The following PER2 variants were observed in gnomAD, a reference collection of about 807,000 sequenced individuals.
The protein encoded by PER2 is period circadian regulator 2, also known as period circadian protein homolog 2.
A neutral mutation model predicts 121.0 loss-of-function variants in PER2; 66 were observed. The observed-to-expected ratio is 0.55, with a 90% CI of 0.45 to 0.67. PER2 has a LOEUF of 0.67. PER2 is among the 30% of genes least tolerant of loss of function. The pLI is 0.00. For synonymous variants in PER2, 684 were observed against 659.9 expected, an observed-to-expected ratio of 1.04 and a Z score of -0.56; for missense variants, 1,521 against 1,635.0, an observed-to-expected ratio of 0.93 and a Z score of 1.20.
At position 238,262,312 on chromosome 2, in the gene PER2, AAT is replaced by A. The variant is rs1695960512; in HGVS notation, c.1184_1185del (p.Tyr395PhefsTer46). The A allele has an allele frequency of 1.2e-6, 2 of 1,614,030 alleles. No individual in the cohort carries two copies. Among genetic ancestry groups the A allele is most frequent in the Non-Finnish European group, 1.7e-6 (2 of 1,179,982 alleles). On this transcript the variant is annotated frameshift_variant, in exon 11 of 23. Transcript: ENST00000254657. LOFTEE classifies it high-confidence loss of function. The part of the protein sequence containing the change: ...ILQSGGQPFD[Y>X]SPIRFRARNG... ...TTCCGGGCGCGAAACCGAATGGGAG[AAT>A]AGTCGAAAGGCTGCCCGCCTGACTG...
chr2:238,261,023 A>T, intron 12 of PER2, 70 bp from the exon 13 acceptor site: 1 of 1,567,560 alleles, frequency 6.4e-7, no homozygotes, highest in Non-Finnish European at 8.7e-7. Flanking sequence ...CCCCCTGCCA[A>T]CACACCCTGT....
At position 238,250,590 on chromosome 2, in the gene PER2, G is replaced by T; in HGVS notation, c.3428C>A (p.Ala1143Glu). Residue 1143 changes from alanine to glutamate, a missense_variant, in exon 21 of 23, where the codon GCG (alanine) becomes GAG (glutamate). Coordinates refer to ENST00000254657, the MANE Select transcript of PER2 (RefSeq NM_022817.3). Reference protein sequence around the residue: ...QDPIWLLMADADSSVMMTYQL... With the variant: ...QDPIWLLMADEDSSVMMTYQL... The stretch of plus-strand genomic sequence containing the variant: ...GTACGTCATCATGACGCTGCTGTCC[G>T]CATCTGCCATCAGCAGCCAGATGGG... 2 of 1,613,456 alleles carry T rather than the reference G, an allele frequency of 1.2e-6. No homozygotes were observed. The highest frequency in any genetic ancestry group is 1.7e-5 in the Admixed American group (1 of 59,968).
Position 238,273,057 on chromosome 2 carries a change from G to A in PER2, c.570+13C>T. On this transcript the variant is annotated intron_variant, in intron 5 of 22. Coordinates refer to ENST00000254657, the MANE Select transcript of PER2 (RefSeq NM_022817.3). ...TGCCATTTTAGAAAGAAACTTTGCG[G>A]AAAGAGGCTTACGGCATTCTTCACA... 1 of 1,613,996 alleles carries A rather than the reference G, an allele frequency of 6.2e-7. No individual in the cohort carries two copies. The highest frequency in any genetic ancestry group is 1.1e-5 in the South Asian group (1 of 91,080).
intron 1 of PER2, among the ~76,000 whole-genome samples, chr2:238,279,797 C>G (rs535159546): frequency 6.6e-6 from 1 of 152,136 alleles, no homozygotes; most frequent in South Asian, 2.1e-4. Flanking sequence ...CTAGAAGTCC[C>G]GAAGGGTCCC....
intron 18 of PER2, 89 bp downstream of exon 18, chr2:238,255,568 C>T: frequency 7.7e-7 from 1 of 1,292,668 alleles, no homozygotes; most frequent in South Asian, 1.2e-5. Flanking sequence ...TGAAACTGGA[C>T]ACATTTCACA....
chr2:238,268,219 C>T lies in PER2; in HGVS notation c.825-21G>A, dbSNP rs375672859. Reference sequence around the variant, plus strand: ...GGACACTGCGGAGAAGAGCCACGCTCTAAGTTGGGAACTGTGACACAGGAA... The same window carrying T: ...GGACACTGCGGAGAAGAGCCACGCTTTAAGTTGGGAACTGTGACACAGGAA... On this transcript the variant is annotated intron_variant, in intron 7 of 22. Transcript: ENST00000254657. The surrounding 1 kb of genome is among the most constrained non-coding windows in gnomAD (Gnocchi z 4.0). 1.1e-4 allele frequency: 179 copies of T among 1,612,970 alleles called. No homozygotes were observed. The African/African-American group carries it at 2.0e-3, about 18-fold the overall frequency.
rs558867561 is a variant in PER2, at chr2:238,255,362, A to G, written c.2320+295T>C. On this transcript the variant is annotated intron_variant, in intron 18 of 22. Coordinates refer to ENST00000254657, the MANE Select transcript of PER2 (RefSeq NM_022817.3). ...CCGTCCAGGTGGGGCCCCTGCCCAC[A>G]TGGTTACTCAGGCAAGAAATGTGGA... 28 of 498,176 alleles carry G rather than the reference A, an allele frequency of 5.6e-5. 1 individual carries two copies. The highest frequency in any genetic ancestry group is 1.1e-3 in the Middle Eastern group (2 of 1,792). The allele number at this position is 498,176 out of a possible 1,614,324, so 30.9% of individuals were successfully genotyped here.
intron 4 of PER2, 24 bp from the exon 5 acceptor site, chr2:238,273,215 C>G: frequency 6.2e-7 from 1 of 1,611,596 alleles, no homozygotes; most frequent in Non-Finnish European, 8.5e-7. Flanking sequence ...AGTGTTCACT[C>G]AGTGGGCAGA....
chr2:238,272,638 C>A (rs1232014637), intron 5 of PER2, among the ~76,000 whole-genome samples: 1 of 152,240 alleles, frequency 6.6e-6, no homozygotes, highest in African/African-American at 2.4e-5. Context: ...GGCCCATGTG[C>A]CCTCCAAGGG....
intron 19 of PER2, 136 bp from the exon 20 acceptor site, chr2:238,251,897 G>C: frequency 1.3e-6 from 1 of 776,322 alleles, no homozygotes; most frequent in African/African-American, 1.7e-5. Context: ...TTCACGGCCA[G>C]GGACGGCCTA....
At chr2:238,255,485 C>A (rs568958352) in intron 18 of PER2, 172 bp downstream of exon 18, 2 of 722,260 alleles carry the variant, frequency 2.8e-6, no homozygotes. Context: ...AGCACCCCCC[C>A]GGTGGGAAGT....
At chr2:238,265,441 G>A (rs1574849970) in intron 9 of PER2, 71 bp downstream of exon 9, 1 of 878,206 alleles carries the variant, frequency 1.1e-6, no homozygotes, top group Non-Finnish European at 1.9e-6. Context: ...AAACCAAGAT[G>A]CAGTCTTGGC....
rs537316218 is a variant in PER2 at position 238,249,116 on chromosome 2, G to A, written c.3564C>T (p.Arg1188=). 9.3e-6 allele frequency: 15 copies of A among 1,614,190 alleles called. No homozygotes were observed. Among genetic ancestry groups the A allele is most frequent in the Middle Eastern group, 1.6e-4 (1 of 6,062 alleles). ...CCGTCTGCATCCACTGGTGGACCTC[G>A]CGCAGCTCCTGCTTCTGACTCTCCG... ...RFTESQKQEL[R]EVHQWMQTGG... is the part of the protein sequence containing the mutation. Residue 1188 remains arginine (R), a synonymous_variant, in exon 22 of 23, where the codon CGC becomes CGT. Coordinates refer to ENST00000254657, the MANE Select transcript of PER2 (RefSeq NM_022817.3).
chr2:238,283,486 T>C (rs1013024617), intron 1 of PER2, among the ~76,000 whole-genome samples: 2 of 152,208 alleles, frequency 1.3e-5, no homozygotes, highest in Non-Finnish European at 2.9e-5. Context: ...AGGAAGAACA[T>C]TCTAGGCAGG....
the PER2 span, among the ~76,000 whole-genome samples, chr2:238,297,083 T>C: frequency 2.6e-5 from 4 of 152,308 alleles, 1 homozygote; most frequent in South Asian, 8.3e-4. Context: ...AGATCTCTAC[T>C]TGAGACAGGA....
At chr2:238,290,634 C>T (rs1274165863), upstream of PER2, among the ~76,000 whole-genome samples, 3 of 152,120 alleles carry the variant, frequency 2.0e-5, no homozygotes, top group Non-Finnish European at 2.9e-5. Context: ...TCTTCAGAAT[C>T]TCATCTATTT....
Position 238,245,912 on chromosome 2 carries a change from T to C in PER2, c.*463A>G. The C allele has an allele frequency of 3.0e-6, 1 of 336,250 alleles. No homozygotes were observed. Among genetic ancestry groups the C allele is most frequent in the Non-Finnish European group, 5.3e-6 (1 of 187,874 alleles). 20.8% of individuals were successfully genotyped at this position (336,250 alleles called of 1,614,324 possible). ...GTATGTATAAAAAAACACTCTACCT[T>C]GACTAAATGATAATTCAGATAAAAA... On this transcript the variant is annotated 3_prime_UTR_variant, in exon 23 of 23. Coordinates refer to ENST00000254657, the MANE Select transcript of PER2 (RefSeq NM_022817.3).
Position 238,251,638 on chromosome 2 carries a change from A to G in PER2, c.3235T>C (p.Ser1079Pro). 1 of 1,614,190 alleles carries G rather than the reference A, an allele frequency of 6.2e-7. No individual in the cohort carries two copies. Among genetic ancestry groups the G allele is most frequent in the Non-Finnish European group, 8.5e-7 (1 of 1,180,024 alleles). ...SGSAASESLG[S>P]GSLGCDASPS... is the part of the protein sequence containing the mutation. ...GAGGCGTCGCAGCCCAGTGAGCCGG[A>G]GCCCAGAGACTCCGAAGCAGCAGAG... The change falls in exon 20 of 23, where the codon TCC (serine) becomes CCC (proline). Residue 1079 changes from serine (S) to proline (P), a missense_variant. Transcript: ENST00000254657.
Position 238,249,007 on chromosome 2 carries a change from T to C in PER2, c.3618+55A>G, listed in dbSNP as rs775258980. The C allele has an allele frequency of 2.8e-5, 43 of 1,561,688 alleles. 2 individuals carry two copies. In the South Asian group the frequency reaches 4.7e-4, roughly 17 times the overall value. On this transcript the variant is annotated intron_variant, in intron 22 of 22. Coordinates refer to ENST00000254657, the MANE Select transcript of PER2 (RefSeq NM_022817.3). ...AAAGTTGCAAAGACAGTACAGAGAA[T>C]CCCCATCACAGAGCCTTTTAGGGCC... is the stretch of plus-strand genomic sequence containing the variant.
Sources: allele counts gnomAD v4.1 joint callset (sites outside exome capture counted in the v4.1 genomes callset), GRCh38; gene constraint gnomAD v4.1.1; non-coding constraint Gnocchi (gnomAD v3.1); transcripts MANE v1.5; gene names NCBI Gene and HGNC (gene_info 2026-07-23, HGNC 2026-07-21).